FUT9: variants seen among roughly 807,000 people sequenced by gnomAD.
FUT9 encodes fucosyltransferase 9.
FUT9 carries 15 observed loss-of-function variants against 29.7 expected under a neutral mutation model. That is an observed-to-expected ratio of 0.51 (90% CI 0.34 to 0.78). FUT9 has a LOEUF of 0.78. Among genes scored for constraint, FUT9 ranks in the 30% least tolerant of loss-of-function variants. The pLI, the probability that FUT9 is intolerant of heterozygous loss-of-function variation, is 0.01. For missense variants in FUT9, 319 were observed against 425.4 expected, an observed-to-expected ratio of 0.75 and a Z score of 2.20; for synonymous variants, 169 against 153.7, an observed-to-expected ratio of 1.10 and a Z score of -0.74.
At chr6:96,049,678 A>G (rs2127937561) in intron 1 of FUT9, among the ~76,000 whole-genome samples, 1 of 152,294 alleles carries the variant, frequency 6.6e-6, no homozygotes, top group Middle Eastern at 3.4e-3. Flanking sequence ...AGAAATACAA[A>G]TTGGACAATA....
chr6:96,058,181 T>G (rs1770808855), intron 1 of FUT9, among the ~76,000 whole-genome samples: 2 of 152,020 alleles, frequency 1.3e-5, no homozygotes, highest in Admixed American at 6.6e-5. Context: ...CTACTCCCGT[T>G]TGTCAGTAGG....
intron 1 of FUT9, among the ~76,000 whole-genome samples, chr6:96,060,855 C>T (rs1222321334): frequency 6.6e-6 from 1 of 152,142 alleles, no homozygotes; most frequent in African/African-American, 2.4e-5. Context: ...TTAACCTTTA[C>T]AGAGGCATTT....
chr6:96,188,347 G>A (rs1437735521), intron 2 of FUT9, among the ~76,000 whole-genome samples: 2 of 151,946 alleles, frequency 1.3e-5, no homozygotes, highest in South Asian at 2.1e-4. Context: ...GCTCACTGCA[G>A]CCTCGAACTC....
At chr6:96,151,698 C>T (rs1168309724) in intron 2 of FUT9, among the ~76,000 whole-genome samples, 1 of 152,160 alleles carries the variant, frequency 6.6e-6, no homozygotes, top group African/African-American at 2.4e-5. Flanking sequence ...TTCAGATTCA[C>T]TATCCATATC....
chr6:96,058,234 T>C (rs1432266020), intron 1 of FUT9, among the ~76,000 whole-genome samples: 1 of 152,108 alleles, frequency 6.6e-6, no homozygotes, highest in Non-Finnish European at 1.5e-5. Flanking sequence ...CTTCTATGAA[T>C]AGTTGCTTTA....
chr6:96,072,977 C>G (rs1207618913), intron 1 of FUT9, among the ~76,000 whole-genome samples: 1 of 152,178 alleles, frequency 6.6e-6, no homozygotes, highest in Non-Finnish European at 1.5e-5. Context: ...GACACTCCTC[C>G]TACCTTTAGG....
At chr6:96,147,360 G>C (rs1179918245) in intron 2 of FUT9, among the ~76,000 whole-genome samples, 1 of 151,684 alleles carries the variant, frequency 6.6e-6, no homozygotes, top group Non-Finnish European at 1.5e-5. Context: ...AGTAGGGTGG[G>C]GTTTCACCGT....
intron 2 of FUT9, among the ~76,000 whole-genome samples, 181 bp from the exon 3 acceptor site, chr6:96,202,967 G>C (rs778176773): frequency 6.6e-6 from 1 of 152,122 alleles, no homozygotes; most frequent in Non-Finnish European, 1.5e-5. Context: ...TTTGAAAGCT[G>C]TTTCTTGGCT....
At chr6:96,135,903 G>A (rs536092690) in intron 2 of FUT9, among the ~76,000 whole-genome samples, 73 of 151,100 alleles carry the variant, frequency 4.8e-4, no homozygotes, top group Middle Eastern at 3.4e-3. Flanking sequence ...GACCAACACT[G>A]TCATCTCTGT....
chr6:96,134,776 C>G (rs1436554117), intron 2 of FUT9, among the ~76,000 whole-genome samples: 1 of 151,800 alleles, frequency 6.6e-6, no homozygotes, highest in Non-Finnish European at 1.5e-5. Context: ...ACAACTGATT[C>G]CAAAACTCAT....
chr6:96,046,838 G>C (rs1312124642), intron 1 of FUT9, among the ~76,000 whole-genome samples: 1 of 152,172 alleles, frequency 6.6e-6, no homozygotes, highest in East Asian at 1.9e-4. Flanking sequence ...GGGAAGTGTT[G>C]TCAGCAGATT....
intron 2 of FUT9, among the ~76,000 whole-genome samples, chr6:96,136,813 G>A (rs567310844): frequency 2.7e-4 from 41 of 151,906 alleles, no homozygotes; most frequent in Admixed American, 7.2e-4. Flanking sequence ...ATAATTGCGA[G>A]GCTACTCTCA....
intron 1 of FUT9, among the ~76,000 whole-genome samples, chr6:96,035,769 AAATAT>A (rs536329209): frequency 0.022 from 2,820 of 126,340 alleles, 118 homozygotes; most frequent in African/African-American, 0.078. Flanking sequence ...ATTATAATTA[AAATAT>A]AATATAATTT....
At chr6:96,038,362 T>G (rs1770399461) in intron 1 of FUT9, among the ~76,000 whole-genome samples, 1 of 152,146 alleles carries the variant, frequency 6.6e-6, no homozygotes, top group East Asian at 1.9e-4. Context: ...CAGGCTTCTA[T>G]TAGCAGAACA....
At chr6:96,030,080 T>C (rs1329223002) in intron 1 of FUT9, among the ~76,000 whole-genome samples, 2 of 151,638 alleles carry the variant, frequency 1.3e-5, no homozygotes, top group South Asian at 2.1e-4. Flanking sequence ...CTGTAGTTGA[T>C]AGAATGAGTC....
chr6:96,165,436 G>GA (rs141641119), intron 2 of FUT9, among the ~76,000 whole-genome samples: 6 of 136,798 alleles, frequency 4.4e-5, no homozygotes, highest in East Asian at 4.2e-4. Flanking sequence ...ATCTCAAAAA[G>GA]AAAAAAAAAG....
At chr6:96,192,452 A>G (rs181574015) in intron 2 of FUT9, among the ~76,000 whole-genome samples, 163 of 152,278 alleles carry the variant, frequency 1.1e-3, no homozygotes, top group Middle Eastern at 3.4e-3. Context: ...CCCATTCACA[A>G]TTGCTTCAAA....
intron 1 of FUT9, among the ~76,000 whole-genome samples, chr6:96,093,605 C>A (rs1771449694): frequency 6.6e-6 from 1 of 151,940 alleles, no homozygotes; most frequent in Non-Finnish European, 1.5e-5. Flanking sequence ...CAGAAAATAT[C>A]CCTGCAACAA....
chr6:96,204,238 T>C lies in FUT9; in HGVS notation c.*3T>C. On this transcript the variant is annotated 3_prime_UTR_variant, in exon 3 of 3. Transcript: ENST00000302103. The stretch of plus-strand genomic sequence containing the variant: ...TAGAGAAATGGTTTTGGAATTAAAA[T>C]TTTTCATCACTTGCACACTTGATAA... 1 of 1,436,642 alleles carries C rather than the reference T, an allele frequency of 7.0e-7. No individual in the cohort carries two copies. Among genetic ancestry groups the C allele is most frequent in the South Asian group, 1.8e-5 (1 of 54,214 alleles). The allele number at this position is 1,436,642 out of a possible 1,614,324, so 89.0% of individuals were successfully genotyped here.
Sources: allele counts gnomAD v4.1 joint callset (sites outside exome capture counted in the v4.1 genomes callset), GRCh38; gene constraint gnomAD v4.1.1; transcripts MANE v1.5; gene names NCBI Gene and HGNC (gene_info 2026-07-23, HGNC 2026-07-21).